Variants in SLC2A11 observed in about 807,000 individuals in gnomAD.
The protein encoded by SLC2A11 is solute carrier family 2, facilitated glucose transporter member 11.
A neutral mutation model predicts 52.1 loss-of-function variants in SLC2A11; 43 were observed. That is an observed-to-expected ratio of 0.82 (90% confidence interval 0.65 to 1.06). The LOEUF (loss-of-function observed/expected upper bound fraction) is 1.06. Ranked by LOEUF, SLC2A11 falls within the 50% of genes least tolerant of loss-of-function variation. SLC2A11 has a pLI of 0.00. For missense variants in SLC2A11, 582 were observed against 654.2 expected (o/e 0.89, Z 1.20); for synonymous variants, 261 against 277.6 (o/e 0.94, Z 0.59).
In SLC2A11 at chr22:23,885,183, A is replaced by G. The variant is rs1187433517; in HGVS notation, c.*334A>G. The G allele has an allele frequency of 2.2e-6, 1 of 445,188 alleles. No homozygotes were observed. Among genetic ancestry groups the G allele is most frequent in the African/African-American group, 2.1e-5 (1 of 48,722 alleles). The allele number at this position is 445,188 out of a possible 1,614,324, so 27.6% of individuals were successfully genotyped here. A position where few individuals can be genotyped will look rare whatever the true frequency, so the allele number is the denominator to read the frequency against. On this transcript the variant is annotated 3_prime_UTR_variant, in exon 12 of 12. Coordinates refer to ENST00000316185, the MANE Select transcript of SLC2A11 (RefSeq NM_001024939.4). The stretch of plus-strand genomic sequence containing the variant: ...CCTAGGTAACATAGTGAGACCCCCT[A>G]TCTCTACAAAAAATTTTAAACATTA...
chr22:23,874,972 G>A (rs1333455853), intron 3 of SLC2A11, 145 bp from the exon 4 acceptor site: 1 of 858,344 alleles, frequency 1.2e-6, no homozygotes. Flanking sequence ...AAGGATACCA[G>A]GACTCAAAGT....
chr22:23,859,916 C>A (rs1185782229), intron 1 of SLC2A11, among the ~76,000 whole-genome samples: 1 of 152,182 alleles, frequency 6.6e-6, no homozygotes, highest in Non-Finnish European at 1.5e-5. Flanking sequence ...ACATTTAATT[C>A]TACAGAACAA....
intron 2 of SLC2A11, among the ~76,000 whole-genome samples, chr22:23,863,607 G>GTTTTTTTTTTT (rs1568985269): frequency 1.8e-5 from 2 of 113,168 alleles, no homozygotes; most frequent in Admixed American, 9.1e-5. Context: ...CTCTCTCTCT[G>GTTTTTTTTTTT]GTTTTTTTTT....
chr22:23,857,875 C>A lies in SLC2A11; in HGVS notation c.-125C>A. The A allele has an allele frequency of 6.5e-7, 1 of 1,544,738 alleles. No individual in the cohort carries two copies. The highest frequency in any genetic ancestry group is 8.7e-7 in the Non-Finnish European group (1 of 1,147,078). On this transcript the variant is annotated 5_prime_UTR_variant, in exon 1 of 12. Transcript: ENST00000316185. ...ACGCTCACTGCGCGTGCGCTAGCGCCTCTTTCACCACTGGGCGCTGCGCGC... is the reference window on the plus strand; with the variant it reads ...ACGCTCACTGCGCGTGCGCTAGCGCATCTTTCACCACTGGGCGCTGCGCGC...
intron 6 of SLC2A11, among the ~76,000 whole-genome samples, chr22:23,878,820 G>T (rs2032709757): frequency 6.6e-6 from 1 of 152,176 alleles, no homozygotes; most frequent in African/African-American, 2.4e-5. Flanking sequence ...TGAAGTCCCA[G>T]ATCTTACGCC....
At chr22:23,882,134 A>AG (rs1221312773) in intron 6 of SLC2A11, 3 of 369,216 alleles carry the variant, frequency 8.1e-6, no homozygotes, top group African/African-American at 3.2e-5. Flanking sequence ...AGAGAGAGAG[A>AG]AACACACACA....
At position 23,882,569 on chromosome 22, in the gene SLC2A11, C is replaced by T. The variant is rs759776686; in HGVS notation, c.805C>T (p.Gln269Ter). 5 of 1,612,862 alleles carry T rather than the reference C, an allele frequency of 3.1e-6. No individual in the cohort carries two copies. In the South Asian group the frequency reaches 4.4e-5, roughly 14 times the overall value. ...TGCCCGGCGCCCATGGGAGCTGTTC[C>T]AGCATCGGGCCCTGAGGAGACAGGT... The part of the protein sequence containing the change: ...CRARRPWELF[Q>*]HRALRRQVTS... The change falls in exon 7 of 12, where the codon CAG (glutamine) becomes TAG (stop). Residue 269 changes from glutamine (Q) to a stop codon, truncating the protein, a stop_gained. Coordinates refer to ENST00000316185, the MANE Select transcript of SLC2A11 (RefSeq NM_001024939.4). LOFTEE classifies it high-confidence loss of function.
chr22:23,883,003 G>A (rs531084174), intron 8 of SLC2A11, 134 bp downstream of exon 8: 6 of 848,720 alleles, frequency 7.1e-6, no homozygotes, highest in Admixed American at 2.0e-5. Flanking sequence ...GCTCATGCCT[G>A]TAAGCCCAGC....
upstream of SLC2A11, chr22:23,856,955 T>C: frequency 1.2e-6 from 2 of 1,611,190 alleles, no homozygotes; most frequent in Non-Finnish European, 1.7e-6. Flanking sequence ...TCTCTCGCTC[T>C]GCCCAGGACG....
rs79905160 is a variant in SLC2A11 at position 23,883,784 on chromosome 22, G to A, written c.1006G>A (p.Glu336Lys). The A allele has an allele frequency of 4.6e-3, 7,047 of 1,539,874 alleles. 21 individuals carry two copies. The highest frequency in any genetic ancestry group is 5.2e-3 in the Middle Eastern group (25 of 4,836). The change falls in exon 9 of 12, where the codon GAG (glutamate) becomes AAG (lysine). Residue 336 changes from glutamate (E) to lysine (K), a missense_variant. Coordinates refer to ENST00000316185, the MANE Select transcript of SLC2A11 (RefSeq NM_001024939.4). ...LTAVVSCVVI[E>K]RVGRRVLLIG... ...TCTGCCTTTGCAGTGTGTGGTAATC[G>A]AGAGGGTGGGTCGGCGCGTGCTGCT...
At chr22:23,880,258 C>CAAAA (rs60165299) in intron 6 of SLC2A11, among the ~76,000 whole-genome samples, 24 of 41,882 alleles carry the variant, frequency 5.7e-4, no homozygotes, top group East Asian at 8.4e-4. Flanking sequence ...GACTCCATCT[C>CAAAA]AAAAAAAAAA....
At chr22:23,859,180 G>A (rs1285072274) in intron 1 of SLC2A11, among the ~76,000 whole-genome samples, 1 of 152,188 alleles carries the variant, frequency 6.6e-6, no homozygotes, top group Non-Finnish European at 1.5e-5. Flanking sequence ...CTTCCATGCG[G>A]CCCCCGTGGA....
rs552556194 is a variant in SLC2A11 at position 23,868,515 on chromosome 22, C to A, written c.164C>A (p.Ala55Glu). 41 of 1,614,198 alleles carry A rather than the reference C, an allele frequency of 2.5e-5. No homozygotes were observed. In the African/African-American group the frequency reaches 4.5e-4, roughly 18 times the overall value. ...IQEFTNETWQ[A>E]RTGEPLPDHL... ...GAATTCACCAATGAGACATGGCAGG[C>A]GCGTACTGGAGAGCCACTGCCCGAT... The change falls in exon 3 of 12, where the codon GCG becomes GAG. Residue 55 changes from alanine to glutamate, a missense_variant. Physicochemically the swap from Ala to Glu is moderately radical, Grantham distance 107. Coordinates refer to ENST00000316185, the MANE Select transcript of SLC2A11 (RefSeq NM_001024939.4).
At chr22:23,876,696 C>T (rs1794925927) in intron 4 of SLC2A11, among the ~76,000 whole-genome samples, 1 of 151,154 alleles carries the variant, frequency 6.6e-6, no homozygotes, top group Non-Finnish European at 1.5e-5. Flanking sequence ...CTACCTTCCT[C>T]CTCCCACCCC....
intron 2 of SLC2A11, among the ~76,000 whole-genome samples, chr22:23,862,590 A>G (rs906277226): frequency 6.9e-6 from 1 of 145,538 alleles, no homozygotes; most frequent in Non-Finnish European, 1.5e-5. Context: ...GCCTCTCCCC[A>G]CCTTGATCTC....
chr22:23,882,411 AAG>A, intron 6 of SLC2A11, 46 bp from the exon 7 acceptor site: 1 of 1,465,316 alleles, frequency 6.8e-7, no homozygotes, highest in South Asian at 1.4e-5. Flanking sequence ...AGGGGGACCA[AAG>A]AGGGGCTTGG....
upstream of SLC2A11, chr22:23,857,765 G>A (rs2031901541): frequency 8.6e-6 from 12 of 1,391,772 alleles, no homozygotes; most frequent in South Asian, 1.8e-4. Flanking sequence ...GTTTAGCGTT[G>A]CGCGAACCCT....
At chr22:23,871,848 T>A (rs1420592291) in intron 3 of SLC2A11, 2 of 152,298 alleles carry the variant, frequency 1.3e-5, no homozygotes, top group African/African-American at 2.4e-5. Flanking sequence ...TGGGAAACTT[T>A]GGGGTCCACA....
intron 3 of SLC2A11, among the ~76,000 whole-genome samples, chr22:23,874,369 C>G (rs1341109214): frequency 6.6e-6 from 1 of 152,134 alleles, no homozygotes; most frequent in Admixed American, 6.5e-5. Context: ...TCACTGCAGC[C>G]TCGTACTCTT....
Sources: gnomAD v4.1 joint callset for allele counts (sites outside exome capture counted in the v4.1 genomes callset) on GRCh38, gnomAD v4.1.1 for gene constraint, MANE v1.5 for transcripts, NCBI Gene and HGNC (gene_info 2026-07-23, HGNC 2026-07-21) for gene names.